The following RAB43 variants were observed in gnomAD, a reference collection of about 807,000 sequenced individuals.
RAB43 encodes ras-related protein Rab-43.
RAB43 carries 6 observed loss-of-function variants against 18.8 expected under a neutral mutation model. The ratio of observed to expected loss-of-function variants is 0.32; its 90% CI spans 0.17 to 0.63. RAB43 has a LOEUF of 0.63. Among genes scored for constraint, RAB43 ranks in the 30% least tolerant of loss-of-function variants. RAB43 has a pLI of 0.79. For missense variants in RAB43, 195 were observed against 289.1 expected (o/e 0.67, Z 2.36); for synonymous variants, 103 against 124.1 (o/e 0.83, Z 1.13).
intron 2 of RAB43, among the ~76,000 whole-genome samples, chr3:129,092,298 T>G (rs939681598): frequency 3.3e-5 from 5 of 152,138 alleles, no homozygotes; most frequent in Non-Finnish European, 7.3e-5. Flanking sequence ...TGTTTTTAAG[T>G]GTTTAAATAT....
intron 1 of RAB43, among the ~76,000 whole-genome samples, chr3:129,098,662 A>G (rs1404808444): frequency 2.0e-5 from 3 of 152,250 alleles, no homozygotes; most frequent in Admixed American, 2.0e-4. Flanking sequence ...CAAGGAAAGT[A>G]TGTTCAAAGA....
At chr3:129,121,134 G>A in intron 1 of RAB43, 152 bp downstream of exon 1, 1 of 438,962 alleles carries the variant, frequency 2.3e-6, no homozygotes, top group East Asian at 7.2e-5. Context: ...AGACCCCGGG[G>A]CCCAGGCCTG....
intron 1 of RAB43, among the ~76,000 whole-genome samples, chr3:129,114,983 G>C (rs1254850778): frequency 6.6e-6 from 1 of 151,588 alleles, no homozygotes; most frequent in Non-Finnish European, 1.5e-5. Context: ...CCCACCCCCC[G>C]CAATCCACTC....
chr3:129,102,125 C>T (rs1036609980), intron 1 of RAB43, among the ~76,000 whole-genome samples: 2 of 152,206 alleles, frequency 1.3e-5, no homozygotes, highest in Non-Finnish European at 2.9e-5. Flanking sequence ...CTCAGAGGGA[C>T]CACTGTGAGA....
At chr3:129,112,712 C>T (rs1283871944) in intron 1 of RAB43, among the ~76,000 whole-genome samples, 2 of 151,856 alleles carry the variant, frequency 1.3e-5, no homozygotes, top group African/African-American at 2.4e-5. Flanking sequence ...TCATTTTGGA[C>T]AGAAGAACTG....
chr3:129,114,227 A>C (rs1935349061), intron 1 of RAB43, among the ~76,000 whole-genome samples: 1 of 152,204 alleles, frequency 6.6e-6, no homozygotes, highest in Non-Finnish European at 1.5e-5. Context: ...GGGCATTAAA[A>C]TGTTGACATG....
chr3:129,108,815 G>C lies in RAB43; in HGVS notation c.204+12471C>G, dbSNP rs116702489. ...GAAATCAACAGAAATGGAGAAAGCTGGTAAACACCACCCTAACCAGGTGAT... is the reference window on the plus strand; with the variant it reads ...GAAATCAACAGAAATGGAGAAAGCTCGTAAACACCACCCTAACCAGGTGAT... On this transcript the variant is annotated intron_variant, in intron 1 of 2. Coordinates refer to ENST00000315150, the MANE Select transcript of RAB43 (RefSeq NM_198490.3). 5.0e-3 allele frequency among the ~76,000 whole-genome samples: 767 copies of C among 152,244 alleles called. 6 individuals carry two copies. The highest frequency in any genetic ancestry group is 0.018 in the African/African-American group (742 of 41,516).
rs1004295981 is a variant in RAB43 at position 129,121,163 on chromosome 3, A to C, written c.204+123T>G. ...AGGCCTGCTCCGACCCGAGGAAGGA[A>C]AAAGGGGAAGCCAAAGGAAACTTCA... is the stretch of plus-strand genomic sequence containing the variant. On this transcript the variant is annotated intron_variant, in intron 1 of 2. Coordinates refer to ENST00000315150, the MANE Select transcript of RAB43 (RefSeq NM_198490.3). The C allele has an allele frequency of 1.1e-5, 10 of 895,788 alleles. No homozygotes were observed. In the African/African-American group the frequency reaches 1.2e-4, roughly 11 times the overall value. The allele number at this position is 895,788 out of a possible 1,614,324, so 55.5% of individuals were successfully genotyped here.
At chr3:129,102,446 T>C (rs575526822) in intron 1 of RAB43, among the ~76,000 whole-genome samples, 56 of 151,882 alleles carry the variant, frequency 3.7e-4, no homozygotes, top group African/African-American at 1.3e-3. Flanking sequence ...CTGGCTAACA[T>C]GGTGAAACCC....
At chr3:129,105,452 CA>C (rs1206436772) in intron 1 of RAB43, among the ~76,000 whole-genome samples, 2 of 149,826 alleles carry the variant, frequency 1.3e-5, no homozygotes, top group African/African-American at 4.9e-5. Flanking sequence ...AACTTCATCT[CA>C]AAAAACAAAC....
In RAB43 at chr3:129,121,522, G is replaced by C; in HGVS notation, c.-33C>G. 6.4e-7 allele frequency: 1 copy of C among 1,553,706 alleles called. No individual in the cohort carries two copies. The highest frequency in any genetic ancestry group is 8.7e-7 in the Non-Finnish European group (1 of 1,147,324). On this transcript the variant is annotated 5_prime_UTR_variant, in exon 1 of 3. Coordinates refer to ENST00000315150, the MANE Select transcript of RAB43 (RefSeq NM_198490.3). ...AAGAAGCCGAAGGGCCGGCGCTCTGGACGCTGGGACCGGCCTGAGCTCACG... is the reference window on the plus strand; with the variant it reads ...AAGAAGCCGAAGGGCCGGCGCTCTGCACGCTGGGACCGGCCTGAGCTCACG...
chr3:129,096,250 C>G (rs1336189647), intron 1 of RAB43, among the ~76,000 whole-genome samples: 1 of 152,248 alleles, frequency 6.6e-6, no homozygotes, highest in Admixed American at 6.5e-5. Flanking sequence ...AAGGCAGGGC[C>G]TCTGCCCCTG....
In RAB43 at chr3:129,095,078, T is replaced by C; in HGVS notation, c.296A>G (p.Asp99Gly). 6.2e-7 allele frequency: 1 copy of C among 1,614,036 alleles called. No homozygotes were observed. The highest frequency in any genetic ancestry group is 1.3e-5 in the African/African-American group (1 of 75,026). The change falls in exon 2 of 3, where the codon GAC (aspartate) becomes GGC (glycine). Residue 99 changes from aspartate to glycine, a missense_variant. By Grantham distance (94) the Asp-to-Gly change is moderately conservative. Coordinates refer to ENST00000315150, the MANE Select transcript of RAB43 (RefSeq NM_198490.3). The surrounding 1 kb of genome is among the most constrained non-coding windows in gnomAD (Gnocchi z 4.2). ...RSANGAILAYDITKRSSFLSV... is the reference protein window; with the variant it reads ...RSANGAILAYGITKRSSFLSV... Reference sequence around the variant, plus strand: ...CAGGAAGGAGCTCCTCTTGGTGATGTCGTAGGCAAGGATGGCCCCATTGGC... The same window carrying C: ...CAGGAAGGAGCTCCTCTTGGTGATGCCGTAGGCAAGGATGGCCCCATTGGC...
intron 1 of RAB43, among the ~76,000 whole-genome samples, chr3:129,110,641 A>T (rs151100568): frequency 4.6e-5 from 7 of 152,246 alleles, no homozygotes; most frequent in African/African-American, 1.7e-4. Flanking sequence ...GATCAAGACG[A>T]TCCTGACTAA....
intron 2 of RAB43, 78 bp downstream of exon 2, chr3:129,094,908 C>T: frequency 6.5e-7 from 1 of 1,543,816 alleles, no homozygotes; most frequent in South Asian, 1.2e-5. Flanking sequence ...CTCAGGGTTA[C>T]ACTGTGTTTA....
chr3:129,103,239 C>G (rs187355817), intron 1 of RAB43, among the ~76,000 whole-genome samples: 1 of 152,206 alleles, frequency 6.6e-6, no homozygotes, highest in Non-Finnish European at 1.5e-5. Flanking sequence ...GTGCCCTCCT[C>G]CTACCCACTT....
Position 129,107,080 on chromosome 3 carries a change from ACTGT to A in RAB43, c.205-11915_205-11912del, listed in dbSNP as rs1181231231. Among the ~76,000 whole-genome samples the A allele has an allele frequency of 3.3e-5, 5 of 152,174 alleles. No homozygotes were observed. Among genetic ancestry groups the A allele is most frequent in the African/African-American group, 9.7e-5 (4 of 41,438 alleles). ...AGGCAGAGTTCTGTGGGCACCTGGC[ACTGT>A]CTGTCAGTGCTCCCTGTGTGTCAGG... is the stretch of plus-strand genomic sequence containing the variant. On this transcript the variant is annotated intron_variant, in intron 1 of 2. Coordinates refer to ENST00000315150, the MANE Select transcript of RAB43 (RefSeq NM_198490.3). The surrounding 1 kb of genome is among the most constrained non-coding windows in gnomAD (Gnocchi z 4.2).
At chr3:129,106,480 G>A (rs1934790583) in intron 1 of RAB43, among the ~76,000 whole-genome samples, 1 of 152,138 alleles carries the variant, frequency 6.6e-6, no homozygotes, top group African/African-American at 2.4e-5. Flanking sequence ...TTTGGCCCTG[G>A]GCTCACAAGC....
chr3:129,092,190 CAT>C (rs1379280607), intron 2 of RAB43, among the ~76,000 whole-genome samples: 12 of 151,644 alleles, frequency 7.9e-5, no homozygotes, highest in Admixed American at 2.6e-4. Context: ...AAATAAAACA[CAT>C]ATGAATTTTA....
Sources: allele counts gnomAD v4.1 joint callset (sites outside exome capture counted in the v4.1 genomes callset), GRCh38; gene constraint gnomAD v4.1.1; non-coding constraint Gnocchi (gnomAD v3.1); transcripts MANE v1.5; gene names NCBI Gene and HGNC (gene_info 2026-07-23, HGNC 2026-07-21).